Variants in GTF2H5 observed in about 807,000 individuals in gnomAD.
GTF2H5 encodes TFB5 ortholog.
A neutral mutation model predicts 7.1 loss-of-function variants in GTF2H5; 5 were observed. That is an observed-to-expected ratio of 0.71 (90% CI 0.37 to 1.49). GTF2H5 has a LOEUF of 1.49. Among genes scored for constraint, GTF2H5 ranks in the 40% most tolerant of loss-of-function variants. GTF2H5 has a pLI of 0.03. For missense variants in GTF2H5, 80 were observed against 83.0 expected (o/e 0.96, Z 0.14); for synonymous variants, 30 against 31.7 (o/e 0.95, Z 0.18).
chr6:158,169,562 A>G (rs1583624724), intron 1 of GTF2H5, among the ~76,000 whole-genome samples: 1 of 89,816 alleles, frequency 1.1e-5, no homozygotes, highest in African/African-American at 4.6e-5. Flanking sequence ...TATATTATAT[A>G]TAATATATTG....
intron 2 of GTF2H5, chr6:158,190,518 A>G (rs1022542510): frequency 6.0e-6 from 2 of 332,300 alleles, no homozygotes; most frequent in African/African-American, 4.4e-5. Flanking sequence ...AGCAGCCAAT[A>G]TGATCCTTAC....
Position 158,195,815 on chromosome 6 carries a change from G to A in GTF2H5, c.*3658G>A, listed in dbSNP as rs1266916664. The A allele has an allele frequency of 6.6e-6, 1 of 152,036 alleles. No individual in the cohort carries two copies. The highest frequency in any genetic ancestry group is 1.9e-4 in the East Asian group (1 of 5,188). 9.4% of individuals were successfully genotyped at this position (152,036 alleles called of 1,614,324 possible). On this transcript the variant is annotated 3_prime_UTR_variant, in exon 3 of 3. Transcript: ENST00000607778. ...TAACAAACTTAACAGATGGGGAAGG[G>A]GTATATTTTAAAGATGGAGAAATGA...
At position 158,199,047 on chromosome 6, in the gene GTF2H5, A is replaced by G. The variant is rs1191419173; in HGVS notation, c.*6890A>G. 2 of 152,182 alleles carry G rather than the reference A, an allele frequency of 1.3e-5. No homozygotes were observed. Among genetic ancestry groups the G allele is most frequent in the Non-Finnish European group, 2.9e-5 (2 of 68,018 alleles). The allele number at this position is 152,182 out of a possible 1,614,324, so 9.4% of individuals were successfully genotyped here. A position where few individuals can be genotyped will look rare whatever the true frequency, so the allele number is the denominator to read the frequency against. ...CCATGATTAGCACCTTTATGTGGTT[A>G]TCTCATTATTTTCATTCCTTTTTAA... On this transcript the variant is annotated 3_prime_UTR_variant, in exon 3 of 3. Transcript: ENST00000607778.
intron 2 of GTF2H5, among the ~76,000 whole-genome samples, chr6:158,187,177 G>T (rs2128431437): frequency 6.6e-6 from 1 of 151,792 alleles, no homozygotes; most frequent in South Asian, 2.1e-4. Context: ...GTATTTTTTT[G>T]TAGAGACGGG....
At chr6:158,169,323 T>TATATAATAC (rs1785708216) in intron 1 of GTF2H5, among the ~76,000 whole-genome samples, 2 of 103,550 alleles carry the variant, frequency 1.9e-5, no homozygotes, top group East Asian at 3.8e-4. Context: ...ATGTATATTA[T>TATATAATAC]GTATATTATA....
intron 2 of GTF2H5, among the ~76,000 whole-genome samples, chr6:158,184,660 G>A (rs1475381237): frequency 6.6e-6 from 1 of 152,130 alleles, no homozygotes; most frequent in Non-Finnish European, 1.5e-5. Flanking sequence ...ATAAACCTAA[G>A]ACAGTCTACT....
intron 2 of GTF2H5, among the ~76,000 whole-genome samples, chr6:158,178,697 T>G (rs1785966281): frequency 6.6e-6 from 1 of 152,138 alleles, no homozygotes; most frequent in South Asian, 2.1e-4. Context: ...CTGATGGGGT[T>G]GTTTGCTTTT....
intron 1 of GTF2H5, among the ~76,000 whole-genome samples, chr6:158,169,529 A>ATATT (rs1562468515): frequency 1.8e-5 from 1 of 55,726 alleles, no homozygotes; most frequent in East Asian, 9.0e-4. Flanking sequence ...TATAATATAC[A>ATATT]GTATATTATA....
At chr6:158,173,053 A>G (rs539448514) in intron 2 of GTF2H5, among the ~76,000 whole-genome samples, 2 of 152,298 alleles carry the variant, frequency 1.3e-5, no homozygotes, top group Admixed American at 6.5e-5. Context: ...TAGAAATGCA[A>G]AATCTCAGAC....
In GTF2H5 at chr6:158,193,429, T is replaced by G. The variant is rs1253353857; in HGVS notation, c.*1272T>G. 1 of 152,206 alleles carries G rather than the reference T, an allele frequency of 6.6e-6. No homozygotes were observed. The highest frequency in any genetic ancestry group is 1.9e-4 in the East Asian group (1 of 5,194). The allele number at this position is 152,206 out of a possible 1,614,324, so 9.4% of individuals were successfully genotyped here. ...GGGTGGGTTCCTGTAAAGGGAATTT[T>G]CCAAGAGAAAAGAGAATTTTCATGA... On this transcript the variant is annotated 3_prime_UTR_variant, in exon 3 of 3. Coordinates refer to ENST00000607778, the MANE Select transcript of GTF2H5 (RefSeq NM_207118.3).
chr6:158,175,009 G>GGT (rs1187190034), intron 2 of GTF2H5, among the ~76,000 whole-genome samples: 3 of 77,810 alleles, frequency 3.9e-5, no homozygotes, highest in Non-Finnish European at 5.0e-5. Flanking sequence ...CTGTGCCTGA[G>GGT]ATGTGTGTGT....
intron 1 of GTF2H5, among the ~76,000 whole-genome samples, chr6:158,169,278 T>C (rs995230258): frequency 1.5e-5 from 2 of 130,274 alleles, no homozygotes; most frequent in South Asian, 4.3e-4. Context: ...GTATTTTATA[T>C]ATAATATATA....
intron 2 of GTF2H5, among the ~76,000 whole-genome samples, chr6:158,175,008 A>AGG (rs1384824198): frequency 4.7e-3 from 294 of 62,254 alleles, no homozygotes; most frequent in African/African-American, 0.017. Flanking sequence ...ACTGTGCCTG[A>AGG]GATGTGTGTG....
At position 158,191,993 on chromosome 6, in the gene GTF2H5, C is replaced by T; in HGVS notation, c.52C>T (p.Gln18Ter). The change falls in exon 3 of 3, where the codon CAG (glutamine) becomes TAG (stop). Residue 18 changes from glutamine to a stop codon, truncating the protein, a stop_gained. Transcript: ENST00000607778. LOFTEE classifies it high-confidence loss of function. ...TCTTTACAGTGATCCTGCCATGAAGCAGTTTCTGCTGTACTTGGATGAGTC... is the reference window on the plus strand; with the variant it reads ...TCTTTACAGTGATCCTGCCATGAAGTAGTTTCTGCTGTACTTGGATGAGTC... ...VLIECDPAMK[Q>*]FLLYLDESNA... The T allele has an allele frequency of 6.2e-7, 1 of 1,613,878 alleles. No homozygotes were observed. The highest frequency in any genetic ancestry group is 8.5e-7 in the Non-Finnish European group (1 of 1,179,756).
intron 2 of GTF2H5, among the ~76,000 whole-genome samples, chr6:158,176,596 T>C (rs1338626112): frequency 6.6e-6 from 1 of 152,204 alleles, no homozygotes; most frequent in Non-Finnish European, 1.5e-5. Context: ...TTAATGGTTT[T>C]GTAATTGAAA....
chr6:158,168,854 T>C (rs563568756), intron 1 of GTF2H5, among the ~76,000 whole-genome samples: 19 of 152,250 alleles, frequency 1.2e-4, no homozygotes, highest in African/African-American at 4.3e-4. Context: ...TCCCAGCACA[T>C]TGGGAGGCCG....
intron 1 of GTF2H5, among the ~76,000 whole-genome samples, chr6:158,169,286 ATATT>A (rs1459974442): frequency 3.9e-5 from 5 of 128,358 alleles, no homozygotes; most frequent in Admixed American, 9.7e-5. Flanking sequence ...TATATAATAT[ATATT>A]TATTTTATAT....
At chr6:158,169,421 TATAA>T (rs1172368252) in intron 1 of GTF2H5, among the ~76,000 whole-genome samples, 60 of 80,814 alleles carry the variant, frequency 7.4e-4, no homozygotes, top group African/African-American at 3.3e-3. Flanking sequence ...ATATATTATA[TATAA>T]TATATTGTAT....
Position 158,169,449 on chromosome 6 carries a change from T to TA in GTF2H5, c.-34-1020dup, listed in dbSNP as rs1368199919. On this transcript the variant is annotated intron_variant, in intron 1 of 2. Coordinates refer to ENST00000607778, the MANE Select transcript of GTF2H5 (RefSeq NM_207118.3). ...AATATATTGTATATTATATATATTA[T>TA]ATATTATATATATTATATTGTATAT... Among the ~76,000 whole-genome samples the TA allele has an allele frequency of 5.8e-5, 4 of 69,476 alleles. 1 individual carries two copies. The East Asian group carries it at 1.6e-3, about 28-fold the overall frequency. The allele number at this position is 69,476 out of a possible 152,430, so 45.6% of individuals were successfully genotyped here. A position where few individuals can be genotyped will look rare whatever the true frequency, so the allele number is the denominator to read the frequency against.
Sources: allele counts gnomAD v4.1 joint callset (sites outside exome capture counted in the v4.1 genomes callset), GRCh38; gene constraint gnomAD v4.1.1; transcripts MANE v1.5; gene names NCBI Gene and HGNC (gene_info 2026-07-23, HGNC 2026-07-21).